COL21A1: variants seen among roughly 807,000 people sequenced by gnomAD.
The protein encoded by COL21A1 is collagen type XXI alpha 1 chain.
Under a neutral mutation model 137.9 loss-of-function variants are expected in COL21A1, and 149 were observed. The observed-to-expected ratio is 1.08, with a 90% CI of 0.95 to 1.24. The LOEUF is 1.24. COL21A1 is among the 50% of genes most tolerant of loss of function. The pLI, the probability that COL21A1 is intolerant of heterozygous loss-of-function variation, is 0.00. For missense variants in COL21A1, 1,167 were observed against 1,158.4 expected, an observed-to-expected ratio of 1.01 and a Z score of -0.11; for synonymous variants, 456 against 391.5, an observed-to-expected ratio of 1.16 and a Z score of -1.95.
At chr6:56,191,231 T>G (rs1244917944) in intron 1 of COL21A1, among the ~76,000 whole-genome samples, 2 of 152,142 alleles carry the variant, frequency 1.3e-5, no homozygotes, top group African/African-American at 4.8e-5. Context: ...AAAATCTTCT[T>G]AAGCTGGTAA....
At chr6:56,138,116 G>C (rs1375189287) in intron 12 of COL21A1, among the ~76,000 whole-genome samples, 1 of 151,998 alleles carries the variant, frequency 6.6e-6, no homozygotes, top group Non-Finnish European at 1.5e-5. Flanking sequence ...CAACCTAATA[G>C]TAACACCACT....
At chr6:56,343,245 G>A (rs1185044551) in intron 1 of COL21A1, among the ~76,000 whole-genome samples, 2 of 151,974 alleles carry the variant, frequency 1.3e-5, no homozygotes, top group Admixed American at 1.3e-4. Flanking sequence ...TCTTTGAAAA[G>A]ATCCACAAAA....
At position 56,280,576 on chromosome 6, in the gene COL21A1, A is replaced by G. The variant is rs573929725; in HGVS notation, c.-38-97920T>C. 2.0e-5 allele frequency among the ~76,000 whole-genome samples: 3 copies of G among 152,366 alleles called. No homozygotes were observed. In the East Asian group the frequency reaches 5.8e-4, roughly 29 times the overall value. Reference sequence around the variant, plus strand: ...AAAAGCCCAATCAAGGACTCTGAGCATATAAGAAAGGAAGAAAGATGGAAA... The same window carrying G: ...AAAAGCCCAATCAAGGACTCTGAGCGTATAAGAAAGGAAGAAAGATGGAAA... On this transcript the variant is annotated intron_variant, in intron 1 of 28. Transcript: ENST00000370819.
chr6:56,124,826 T>C (rs1772884211), intron 14 of COL21A1, among the ~76,000 whole-genome samples: 1 of 151,732 alleles, frequency 6.6e-6, no homozygotes, highest in South Asian at 2.1e-4. Context: ...TTTGTATTTT[T>C]ACTAGAGACG....
At chr6:56,316,477 CTT>C (rs60388494) in intron 1 of COL21A1, among the ~76,000 whole-genome samples, 21 of 75,790 alleles carry the variant, frequency 2.8e-4, no homozygotes, top group African/African-American at 1.1e-3. Context: ...TCTAAATAGA[CTT>C]TTTTTTTTTT....
At chr6:56,222,671 A>G (rs186815301) in intron 1 of COL21A1, among the ~76,000 whole-genome samples, 167 of 152,270 alleles carry the variant, frequency 1.1e-3, no homozygotes, top group Non-Finnish European at 2.1e-3. Flanking sequence ...TTTAAGGTTC[A>G]GAAAAAAATC....
intron 3 of COL21A1, 41 bp from the exon 4 acceptor site, chr6:56,171,169 A>G (rs1777016402): frequency 7.0e-7 from 1 of 1,430,562 alleles, no homozygotes; most frequent in Non-Finnish European, 9.4e-7. Flanking sequence ...ATCATGGACT[A>G]TTCAAACAAT....
chr6:56,147,229 T>C (rs969436361), intron 10 of COL21A1, among the ~76,000 whole-genome samples: 4 of 152,126 alleles, frequency 2.6e-5, no homozygotes, highest in Non-Finnish European at 5.9e-5. Context: ...GCTAACCTCA[T>C]TTCCTCTCTT....
intron 16 of COL21A1, among the ~76,000 whole-genome samples, chr6:56,108,912 A>C (rs937478723): frequency 6.6e-6 from 1 of 151,880 alleles, no homozygotes; most frequent in African/African-American, 2.4e-5. Flanking sequence ...TAATATCAGA[A>C]ATTAGCAACA....
intron 1 of COL21A1, among the ~76,000 whole-genome samples, chr6:56,376,446 GTT>G (rs11395018): frequency 2.0e-4 from 29 of 146,366 alleles, no homozygotes; most frequent in African/African-American, 7.2e-4. Flanking sequence ...GGTAAAGAAA[GTT>G]TTTTTTTTTT....
intron 21 of COL21A1, among the ~76,000 whole-genome samples, chr6:56,069,403 AAAT>A (rs1172692134): frequency 5.3e-5 from 8 of 151,518 alleles, no homozygotes; most frequent in South Asian, 4.2e-4. Context: ...ATAATAAACG[AAAT>A]AATAAAGTTG....
At chr6:56,253,150 T>C (rs1227458437) in intron 1 of COL21A1, among the ~76,000 whole-genome samples, 1 of 152,208 alleles carries the variant, frequency 6.6e-6, no homozygotes, top group South Asian at 2.1e-4. Flanking sequence ...CATGAATTCA[T>C]AGCCCTACCC....
Position 56,179,932 on chromosome 6 carries a change from A to C in COL21A1, c.286T>G (p.Ser96Ala). The C allele has an allele frequency of 6.2e-7, 1 of 1,613,894 alleles. No homozygotes were observed. Among genetic ancestry groups the C allele is most frequent in the Non-Finnish European group, 8.5e-7 (1 of 1,179,860 alleles). Residue 96 changes from serine (S) to alanine (A), a missense_variant, in exon 3 of 30, where the codon TCA becomes GCA. Ser to Ala is a moderately conservative substitution (Grantham distance 99, BLOSUM62 1). Transcript: ENST00000244728. ...VLEIPLGSYD[S>A]GEHLTAAVES... ...ACTGCTGCCGTCAAATGTTCTCCTG[A>C]ATCATAGCTTCCGAGAGGAATCTCC...
At chr6:56,163,380 G>A (rs769112730) in intron 9 of COL21A1, among the ~76,000 whole-genome samples, 1 of 152,194 alleles carries the variant, frequency 6.6e-6, no homozygotes, top group Non-Finnish European at 1.5e-5. Context: ...CTTAGGCTGT[G>A]TCTAAGTGAT....
chr6:56,164,413 T>C lies in COL21A1; in HGVS notation c.1371+10A>G. Reference sequence around the variant, plus strand: ...GTTTTAACAAAAACAGCAAGTTAGGTGTTACCCACTTTGGGGCCTTGAAGT... The same window carrying C: ...GTTTTAACAAAAACAGCAAGTTAGGCGTTACCCACTTTGGGGCCTTGAAGT... On this transcript the variant is annotated intron_variant, in intron 9 of 29. Coordinates refer to ENST00000244728, the MANE Select transcript of COL21A1 (RefSeq NM_030820.4). 6.4e-7 allele frequency: 1 copy of C among 1,557,094 alleles called. No individual in the cohort carries two copies. The highest frequency in any genetic ancestry group is 8.7e-7 in the Non-Finnish European group (1 of 1,144,680).
At chr6:56,316,121 G>A (rs1019781411) in intron 1 of COL21A1, among the ~76,000 whole-genome samples, 20 of 151,864 alleles carry the variant, frequency 1.3e-4, no homozygotes, top group African/African-American at 4.6e-4. Context: ...TATATTTATG[G>A]TATACAATAT....
At chr6:56,215,995 C>T (rs1212870907) in intron 1 of COL21A1, among the ~76,000 whole-genome samples, 1 of 152,102 alleles carries the variant, frequency 6.6e-6, no homozygotes, top group Non-Finnish European at 1.5e-5. Flanking sequence ...CAATAATTCT[C>T]TAACCTCACA....
At chr6:56,366,829 T>C (rs756636219) in intron 1 of COL21A1, among the ~76,000 whole-genome samples, 2 of 152,216 alleles carry the variant, frequency 1.3e-5, no homozygotes, top group Non-Finnish European at 2.9e-5. Context: ...CAGCAATAGT[T>C]TGTAAGATGG....
At position 56,118,532 on chromosome 6, in the gene COL21A1, C is replaced by T. The variant is rs561963084; in HGVS notation, c.1758+5530G>A. 1.7e-4 allele frequency among the ~76,000 whole-genome samples: 26 copies of T among 152,132 alleles called. No homozygotes were observed. The South Asian group carries it at 5.0e-3, about 29-fold the overall frequency. The stretch of plus-strand genomic sequence containing the variant: ...AGAACTAATACCAATCCTACTCAAA[C>T]TATTCTGAAAAATAGAGGAAGAAGG... On this transcript the variant is annotated intron_variant, in intron 16 of 29. Transcript: ENST00000244728.
Sources: allele counts gnomAD v4.1 joint callset (sites outside exome capture counted in the v4.1 genomes callset), GRCh38; gene constraint gnomAD v4.1.1; transcripts MANE v1.5; gene names NCBI Gene and HGNC (gene_info 2026-07-23, HGNC 2026-07-21).